PIK3R5: variants seen among roughly 807,000 people sequenced by gnomAD.
PIK3R5 encodes phosphoinositide-3-kinase regulatory subunit 5.
A neutral mutation model predicts 94.9 loss-of-function variants in PIK3R5; 32 were observed. The observed-to-expected ratio is 0.34, with a 90% CI of 0.25 to 0.45. The LOEUF (loss-of-function observed/expected upper bound fraction) is 0.45, where lower values mean the gene tolerates loss of function less well. PIK3R5 is among the 20% of genes least tolerant of loss of function. The pLI is 1.00. For missense variants in PIK3R5, 853 were observed against 1,144.6 expected, an observed-to-expected ratio of 0.75 and a Z score of 3.68; for synonymous variants, 443 against 479.4, an observed-to-expected ratio of 0.92 and a Z score of 0.99.
In PIK3R5 at chr17:8,961,761, G is replaced by A. The variant is rs2091570305; in HGVS notation, c.-14+3835C>T. On this transcript the variant is annotated intron_variant, in intron 1 of 18. Transcript: ENST00000447110. Reference sequence around the variant, plus strand: ...AGTCTCCTGTGGATGCCGAACTCTAGGGCCCAAAGTCTAGCAAGCCACTTG... The same window carrying A: ...AGTCTCCTGTGGATGCCGAACTCTAAGGCCCAAAGTCTAGCAAGCCACTTG... 2.0e-5 allele frequency among the ~76,000 whole-genome samples: 3 copies of A among 152,166 alleles called. No homozygotes were observed. The South Asian group carries it at 6.2e-4, about 32-fold the overall frequency.
intron 5 of PIK3R5, among the ~76,000 whole-genome samples, chr17:8,902,359 G>T (rs900408271): frequency 2.7e-5 from 4 of 146,338 alleles, no homozygotes; most frequent in African/African-American, 1.0e-4. Flanking sequence ...AGGTTCAAGC[G>T]ATTCTCTGCC....
chr17:8,933,709 A>T lies in PIK3R5; in HGVS notation c.-13-22202T>A, dbSNP rs569338676. On this transcript the variant is annotated intron_variant, in intron 1 of 18. Coordinates refer to ENST00000447110, the MANE Select transcript of PIK3R5 (RefSeq NM_001142633.3). ...AAATATATAAATATAATCATTTCCG[A>T]AATAAGTAAAAATATATAAAAAGAC... Among the ~76,000 whole-genome samples the T allele has an allele frequency of 2.0e-5, 3 of 152,292 alleles. No homozygotes were observed. In the East Asian group the frequency reaches 5.8e-4, roughly 29 times the overall value.
chr17:8,926,951 G>C (rs891241990), intron 1 of PIK3R5, among the ~76,000 whole-genome samples: 1 of 152,152 alleles, frequency 6.6e-6, no homozygotes, highest in Non-Finnish European at 1.5e-5. Context: ...GGTAAGTGGA[G>C]TAGATATGCT....
chr17:8,938,100 C>T (rs9899471), intron 1 of PIK3R5, among the ~76,000 whole-genome samples: 2,638 of 152,228 alleles, frequency 0.017, 70 homozygotes, highest in African/African-American at 0.06. Context: ...TGTGAGCCAC[C>T]GCACCCGGCC....
intron 1 of PIK3R5, among the ~76,000 whole-genome samples, chr17:8,946,504 C>T (rs2091273852): frequency 6.6e-6 from 1 of 151,620 alleles, no homozygotes; most frequent in South Asian, 2.1e-4. Flanking sequence ...CCAAGATAAT[C>T]ACAGCAATTC....
chr17:8,905,244 C>A (rs181531), intron 4 of PIK3R5, among the ~76,000 whole-genome samples: 1 of 95,688 alleles, frequency 1.0e-5, no homozygotes, highest in South Asian at 2.8e-4. Context: ...GCCTAAACCA[C>A]CTTTACTTAA....
At position 8,889,026 on chromosome 17, in the gene PIK3R5, C is replaced by T; in HGVS notation, c.895+113G>A. 6.6e-7 allele frequency: 1 copy of T among 1,514,048 alleles called. No individual in the cohort carries two copies. 93.8% of individuals were successfully genotyped at this position (1,514,048 alleles called of 1,614,324 possible). On this transcript the variant is annotated intron_variant, in intron 9 of 18. Transcript: ENST00000447110. This position sits in a 1 kb window ranked among gnomAD's most constrained non-coding sequence, Gnocchi z 4.1. ...CACTGCCCCCTTGCTCTGCTTAGAG[C>T]CTGCTCATGTGGGAGAGCTTTGGGG...
chr17:8,919,010 T>A (rs894271160), intron 1 of PIK3R5, among the ~76,000 whole-genome samples: 1 of 152,194 alleles, frequency 6.6e-6, no homozygotes, highest in African/African-American at 2.4e-5. Context: ...ACATAGACAT[T>A]CACTATGGTG....
intron 1 of PIK3R5, among the ~76,000 whole-genome samples, chr17:8,960,040 A>C (rs544916076): frequency 6.6e-6 from 1 of 152,246 alleles, no homozygotes; most frequent in Non-Finnish European, 1.5e-5. Flanking sequence ...CAGCGTCCAT[A>C]AGCTGGACCT....
chr17:8,911,766 T>C lies in PIK3R5; in HGVS notation c.-13-259A>G, dbSNP rs894823777. 2.8e-5 allele frequency: 10 copies of C among 360,366 alleles called. No individual in the cohort carries two copies. The highest frequency in any genetic ancestry group is 5.1e-5 in the Non-Finnish European group (10 of 195,692). The allele number at this position is 360,366 out of a possible 1,614,324, so 22.3% of individuals were successfully genotyped here. A position where few individuals can be genotyped will look rare whatever the true frequency, so the allele number is the denominator to read the frequency against. ...GGTGTGGGAAGTAAGGGGTCAGGAATGGGAGCAGAGAGGTGGAAAGGGCAC... is the reference window on the plus strand; with the variant it reads ...GGTGTGGGAAGTAAGGGGTCAGGAACGGGAGCAGAGAGGTGGAAAGGGCAC... On this transcript the variant is annotated intron_variant, in intron 1 of 18. Coordinates refer to ENST00000447110, the MANE Select transcript of PIK3R5 (RefSeq NM_001142633.3). This position sits in a 1 kb window ranked among gnomAD's most constrained non-coding sequence, Gnocchi z 5.3.
Position 8,890,985 on chromosome 17 carries a change from C to A in PIK3R5, c.483-73G>T. ...CCACAGTGCAGCCACCCCCCTCGTG[C>A]CTGCTGGTGCTCAGCTCCACTGAGA... On this transcript the variant is annotated intron_variant, in intron 6 of 18. Coordinates refer to ENST00000447110, the MANE Select transcript of PIK3R5 (RefSeq NM_001142633.3). The surrounding 1 kb of genome is among the most constrained non-coding windows in gnomAD (Gnocchi z 6.1). The A allele has an allele frequency of 7.0e-7, 1 of 1,435,130 alleles. No homozygotes were observed. The highest frequency in any genetic ancestry group is 1.3e-5 in the South Asian group (1 of 77,890). The allele number at this position is 1,435,130 out of a possible 1,614,324, so 88.9% of individuals were successfully genotyped here. A position where few individuals can be genotyped will look rare whatever the true frequency, so the allele number is the denominator to read the frequency against.
At chr17:8,933,725 A>G (rs2091025066) in intron 1 of PIK3R5, among the ~76,000 whole-genome samples, 1 of 152,184 alleles carries the variant, frequency 6.6e-6, no homozygotes, top group Non-Finnish European at 1.5e-5. Flanking sequence ...GTAAAAATAT[A>G]TAAAAAGACC....
At chr17:8,907,795 A>C (rs1235676037) in intron 3 of PIK3R5, among the ~76,000 whole-genome samples, 1 of 151,934 alleles carries the variant, frequency 6.6e-6, no homozygotes, top group Non-Finnish European at 1.5e-5. Context: ...CACCACCACA[A>C]CTGGCTAGTT....
Position 8,935,720 on chromosome 17 carries a change from G to T in PIK3R5, c.-13-24213C>A, listed in dbSNP as rs2091060640. Among the ~76,000 whole-genome samples the T allele has an allele frequency of 6.6e-6, 1 of 152,186 alleles. No individual in the cohort carries two copies. Among genetic ancestry groups the T allele is most frequent in the African/African-American group, 2.4e-5 (1 of 41,446 alleles). On this transcript the variant is annotated intron_variant, in intron 1 of 18. Coordinates refer to ENST00000447110, the MANE Select transcript of PIK3R5 (RefSeq NM_001142633.3). This position sits in a 1 kb window ranked among gnomAD's most constrained non-coding sequence, Gnocchi z 4.5. ...GTGAACAGCTCTGAGCTCCCGGACA[G>T]CTCCTGGCAGGATGGGGCTTGGCAT...
intron 1 of PIK3R5, among the ~76,000 whole-genome samples, chr17:8,930,657 G>C (rs954759079): frequency 6.6e-6 from 1 of 152,116 alleles, no homozygotes; most frequent in Non-Finnish European, 1.5e-5. Flanking sequence ...GACAGACTAT[G>C]GTCCATCTAT....
At chr17:8,965,286 T>C (rs2091648965) in intron 1 of PIK3R5, among the ~76,000 whole-genome samples, 1 of 152,210 alleles carries the variant, frequency 6.6e-6, no homozygotes, top group African/African-American at 2.4e-5. Flanking sequence ...CAGGGCGTCC[T>C]GTGTCAGAGG....
chr17:8,951,599 A>G (rs559280659), intron 1 of PIK3R5, among the ~76,000 whole-genome samples: 6 of 152,358 alleles, frequency 3.9e-5, no homozygotes, highest in African/African-American at 1.4e-4. Context: ...TTAAGGATCA[A>G]TAATATTCAA....
At position 8,888,571 on chromosome 17, in the gene PIK3R5, G is replaced by A. The variant is rs772367222; in HGVS notation, c.1216C>T (p.Arg406Cys). ...TGGCCTCGGCGTTCCTGGCTGCCAC[G>A]CCTCCAAGGCCACTCGGAGGAGCTC... ...EESSSEWPWR[R>C]GSQERRGHRR... The change falls in exon 10 of 19, where the codon CGT (arginine) becomes TGT (cysteine). Residue 406 changes from arginine to cysteine, a missense_variant. Coordinates refer to ENST00000447110, the MANE Select transcript of PIK3R5 (RefSeq NM_001142633.3). This position sits in a 1 kb window ranked among gnomAD's most constrained non-coding sequence, Gnocchi z 7.8. The A allele has an allele frequency of 3.0e-5, 48 of 1,611,812 alleles. No homozygotes were observed. Among genetic ancestry groups the A allele is most frequent in the African/African-American group, 6.7e-5 (5 of 74,954 alleles).
At chr17:8,943,082 T>C (rs959265983) in intron 1 of PIK3R5, among the ~76,000 whole-genome samples, 18 of 150,280 alleles carry the variant, frequency 1.2e-4, no homozygotes, top group African/African-American at 3.7e-4. Context: ...TTTTCTTTTT[T>C]TTTTCGTCAG....
Sources: gnomAD v4.1 joint callset for allele counts (sites outside exome capture counted in the v4.1 genomes callset) on GRCh38, gnomAD v4.1.1 for gene constraint, Gnocchi (gnomAD v3.1) non-coding constraint, MANE v1.5 for transcripts, NCBI Gene and HGNC (gene_info 2026-07-23, HGNC 2026-07-21) for gene names.